KCNQ1OT1: variants seen among roughly 807,000 people sequenced by gnomAD.
KCNQ1OT1 encodes the protein KCNQ1 antisense RNA 2 (non-protein coding).
At chr11:2,662,377 AG>A in exon 1 of KCNQ1OT1, 1 of 352,410 alleles carries the variant, frequency 2.8e-6, no homozygotes, top group Non-Finnish European at 5.3e-6. Context: ...TCTCTCCCCC[AG>A]CCCCCTCCCC....
rs1849793098 is a variant in KCNQ1OT1, at chr11:2,653,717, G to C, written n.46278C>G. 1.0e-5 allele frequency: 4 copies of C among 398,516 alleles called. No homozygotes were observed. Among genetic ancestry groups the C allele is most frequent in the Non-Finnish European group, 1.3e-5 (3 of 226,080 alleles). 24.7% of individuals were successfully genotyped at this position (398,516 alleles called of 1,614,324 possible). On this transcript the variant is annotated non_coding_transcript_exon_variant, in exon 1 of 1. Coordinates refer to ENST00000597346, the Ensembl canonical transcript of KCNQ1OT1. The surrounding 1 kb of genome is among the most constrained non-coding windows in gnomAD (Gnocchi z 5.3). ...AGCAGAACGAGGTCATCTCTTCCAG[G>C]ATTCCTGCCAGAATCTAAGGCCAGG...
exon 1 of KCNQ1OT1, chr11:2,655,155 G>A (rs1590009832): frequency 5.0e-6 from 2 of 398,574 alleles, no homozygotes; most frequent in East Asian, 7.1e-5. Context: ...GCTGTGCTGA[G>A]TTTGATTCCT....
rs1850334597 is a variant in KCNQ1OT1 at position 2,678,605 on chromosome 11, C to A, written n.21390G>T. On this transcript the variant is annotated non_coding_transcript_exon_variant, in exon 1 of 1. Transcript: ENST00000597346. This position sits in a 1 kb window ranked among gnomAD's most constrained non-coding sequence, Gnocchi z 4.9. Reference sequence around the variant, plus strand: ...CACTTATCTGTGTAGCAGGACTCCCCCTCATCTCCATTACTTAAGAGCCAA... The same window carrying A: ...CACTTATCTGTGTAGCAGGACTCCCACTCATCTCCATTACTTAAGAGCCAA... The A allele has an allele frequency of 5.0e-6, 2 of 398,566 alleles. No homozygotes were observed. Among genetic ancestry groups the A allele is most frequent in the Non-Finnish European group, 8.8e-6 (2 of 226,066 alleles). 24.7% of individuals were successfully genotyped at this position (398,566 alleles called of 1,614,324 possible).
rs897659007 is a variant in KCNQ1OT1 at position 2,668,435 on chromosome 11, C to T, written n.31560G>A. ...TTCATTCCCACAGGCAGCATTCTGG[C>T]TGCTCCACATCCTAACACTTGGCAT... On this transcript the variant is annotated non_coding_transcript_exon_variant, in exon 1 of 1. Coordinates refer to ENST00000597346, the Ensembl canonical transcript of KCNQ1OT1. The surrounding 1 kb of genome is among the most constrained non-coding windows in gnomAD (Gnocchi z 4.3). The T allele has an allele frequency of 3.0e-5, 12 of 398,486 alleles. 1 individual carries two copies. The allele number at this position is 398,486 out of a possible 1,614,324, so 24.7% of individuals were successfully genotyped here. A position where few individuals can be genotyped will look rare whatever the true frequency, so the allele number is the denominator to read the frequency against.
At chr11:2,666,817 G>T (rs1472008796) in exon 1 of KCNQ1OT1, 1 of 398,602 alleles carries the variant, frequency 2.5e-6, no homozygotes, top group Non-Finnish European at 4.4e-6. Context: ...GGAAAGGACA[G>T]AAAGGACATT....
At chr11:2,666,706 G>C (rs1850075994) in exon 1 of KCNQ1OT1, 1 of 398,608 alleles carries the variant, frequency 2.5e-6, no homozygotes, top group Non-Finnish European at 4.4e-6. Flanking sequence ...AGACATCCAG[G>C]TCCACTGTGA....
In KCNQ1OT1 at chr11:2,613,916, T is replaced by G; in HGVS notation, n.86079A>C. 2.5e-6 allele frequency: 1 copy of G among 398,580 alleles called. No homozygotes were observed. The highest frequency in any genetic ancestry group is 4.4e-6 in the Non-Finnish European group (1 of 226,044). 24.7% of individuals were successfully genotyped at this position (398,580 alleles called of 1,614,324 possible). On this transcript the variant is annotated non_coding_transcript_exon_variant, in exon 1 of 1. Transcript: ENST00000597346. This position sits in a 1 kb window ranked among gnomAD's most constrained non-coding sequence, Gnocchi z 4.8. Reference sequence around the variant, plus strand: ...CATTTCCCAAAAAAGTACTATTCTGTATATGCCCTTTTGAACTTTGCTTTT... The same window carrying G: ...CATTTCCCAAAAAAGTACTATTCTGGATATGCCCTTTTGAACTTTGCTTTT...
chr11:2,620,945 TTTG>T lies in KCNQ1OT1; in HGVS notation n.79047_79049del, dbSNP rs1313864933. ...TGTTTTTTTGTTGTTGTTGTTTTGTTTTGTTTTTTTTTGTCTGTTTTTTGCTTT... is the reference window on the plus strand; with the variant it reads ...TGTTTTTTTGTTGTTGTTGTTTTGTTTTTTTTTTTGTCTGTTTTTTGCTTT... On this transcript the variant is annotated non_coding_transcript_exon_variant, in exon 1 of 1. Transcript: ENST00000597346. The surrounding 1 kb of genome is among the most constrained non-coding windows in gnomAD (Gnocchi z 4.5). 9.8e-6 allele frequency: 3 copies of T among 305,956 alleles called. No homozygotes were observed. The highest frequency in any genetic ancestry group is 1.7e-4 in the Admixed American group (2 of 11,832). The allele number at this position is 305,956 out of a possible 1,614,324, so 19.0% of individuals were successfully genotyped here. A position where few individuals can be genotyped will look rare whatever the true frequency, so the allele number is the denominator to read the frequency against.
Position 2,658,449 on chromosome 11 carries a change from C to T in KCNQ1OT1, n.41546G>A, listed in dbSNP as rs1849890145. 1 of 398,478 alleles carries T rather than the reference C, an allele frequency of 2.5e-6. No individual in the cohort carries two copies. The highest frequency in any genetic ancestry group is 4.4e-6 in the Non-Finnish European group (1 of 226,022). The allele number at this position is 398,478 out of a possible 1,614,324, so 24.7% of individuals were successfully genotyped here. ...TGTGGCCACTGGTGGGTTCATGTGT[C>T]CTTTTGATGTGCCCCCCGCCATCCT... On this transcript the variant is annotated non_coding_transcript_exon_variant, in exon 1 of 1. Coordinates refer to ENST00000597346, the Ensembl canonical transcript of KCNQ1OT1. This position sits in a 1 kb window ranked among gnomAD's most constrained non-coding sequence, Gnocchi z 4.9.
chr11:2,610,073 A>C (rs4930139), exon 1 of KCNQ1OT1: 2 of 397,438 alleles, frequency 5.0e-6, no homozygotes. Context: ...TCTATGTACT[A>C]TTTCTTGTTC....
rs540256140 is a variant in KCNQ1OT1, at chr11:2,670,114, G to C, written n.29881C>G. On this transcript the variant is annotated non_coding_transcript_exon_variant, in exon 1 of 1. Coordinates refer to ENST00000597346, the Ensembl canonical transcript of KCNQ1OT1. This position sits in a 1 kb window ranked among gnomAD's most constrained non-coding sequence, Gnocchi z 4.9. ...GGACTGTGTCTCATGGCAGTCACAG[G>C]TGCCCCAGTATGCATCTGTCATTTG... The C allele has an allele frequency of 2.8e-4, 112 of 398,760 alleles. No individual in the cohort carries two copies. Among genetic ancestry groups the C allele is most frequent in the African/African-American group, 1.9e-3 (95 of 48,754 alleles). 24.7% of individuals were successfully genotyped at this position (398,760 alleles called of 1,614,324 possible).
rs1262305734 is a variant in KCNQ1OT1, at chr11:2,699,496, CCGCGCTGAGGAGCCCCCAG to C, written n.480_498del. 16 of 180,238 alleles carry C rather than the reference CCGCGCTGAGGAGCCCCCAG, an allele frequency of 8.9e-5. No individual in the cohort carries two copies. The East Asian group carries it at 4.3e-3, about 49-fold the overall frequency. The allele number at this position is 180,238 out of a possible 1,614,324, so 11.2% of individuals were successfully genotyped here. A position where few individuals can be genotyped will look rare whatever the true frequency, so the allele number is the denominator to read the frequency against. On this transcript the variant is annotated non_coding_transcript_exon_variant, in exon 1 of 1. Transcript: ENST00000597346. ...CGCTGAGGAGCCCCCGGGGAGAGTG[CCGCGCTGAGGAGCCCCCAG>C]GAGAGTGCCGCGCTGAGGAGGCCCA...
At chr11:2,618,236 G>T (rs563743131) in exon 1 of KCNQ1OT1, 1 of 398,374 alleles carries the variant, frequency 2.5e-6, no homozygotes, top group African/African-American at 2.1e-5. Context: ...TTGGCTTCCC[G>T]GGGCCACACT....
chr11:2,646,927 C>T (rs1057117980), exon 1 of KCNQ1OT1: 3 of 398,394 alleles, frequency 7.5e-6, no homozygotes, highest in African/African-American at 6.2e-5. Flanking sequence ...AAGATTATGC[C>T]ATCTGCAAAG....
exon 1 of KCNQ1OT1, chr11:2,618,976 G>A (rs1162373549): frequency 5.0e-6 from 2 of 398,042 alleles, no homozygotes; most frequent in African/African-American, 4.1e-5. Flanking sequence ...TTTTTGGCCA[G>A]GTCATTATTT....
exon 1 of KCNQ1OT1, chr11:2,644,648 C>T: frequency 2.5e-6 from 1 of 398,566 alleles, no homozygotes; most frequent in Non-Finnish European, 4.4e-6. Flanking sequence ...ACACTGGTAT[C>T]TGCACATCTG....
Position 2,666,970 on chromosome 11 carries a change from G to C in KCNQ1OT1, n.33025C>G. On this transcript the variant is annotated non_coding_transcript_exon_variant, in exon 1 of 1. Coordinates refer to ENST00000597346, the Ensembl canonical transcript of KCNQ1OT1. ...CGAGATGCCAAGGAAGCCCTCTGGGGGCCCGCCCGGGAGGGCTGTACAGGG... is the reference window on the plus strand; with the variant it reads ...CGAGATGCCAAGGAAGCCCTCTGGGCGCCCGCCCGGGAGGGCTGTACAGGG... 7.5e-6 allele frequency: 3 copies of C among 398,718 alleles called. No homozygotes were observed. Among genetic ancestry groups the C allele is most frequent in the Non-Finnish European group, 1.3e-5 (3 of 226,140 alleles). 24.7% of individuals were successfully genotyped at this position (398,718 alleles called of 1,614,324 possible). A position where few individuals can be genotyped will look rare whatever the true frequency, so the allele number is the denominator to read the frequency against.
rs550624754 is a variant in KCNQ1OT1 at position 2,623,459 on chromosome 11, A to G, written n.76536T>C. 12 of 398,460 alleles carry G rather than the reference A, an allele frequency of 3.0e-5. No individual in the cohort carries two copies. Among genetic ancestry groups the G allele is most frequent in the Non-Finnish European group, 4.4e-5 (10 of 226,058 alleles). The allele number at this position is 398,460 out of a possible 1,614,324, so 24.7% of individuals were successfully genotyped here. On this transcript the variant is annotated non_coding_transcript_exon_variant, in exon 1 of 1. Transcript: ENST00000597346. The surrounding 1 kb of genome is among the most constrained non-coding windows in gnomAD (Gnocchi z 5.2). ...CCCCAACAACCCTTGGCAACCACTGAACTTTTTACTGCCTCCATAGCATTG... is the reference window on the plus strand; with the variant it reads ...CCCCAACAACCCTTGGCAACCACTGGACTTTTTACTGCCTCCATAGCATTG...
exon 1 of KCNQ1OT1, chr11:2,656,480 C>T (rs533015922): frequency 9.5e-5 from 38 of 398,694 alleles, no homozygotes; most frequent in Admixed American, 7.0e-4. Context: ...GTCTGCCACT[C>T]GCCCCCACGG....
Sources: gnomAD v4.1 joint callset for allele counts on GRCh38, gnomAD v4.1.1 for gene constraint, Gnocchi (gnomAD v3.1) non-coding constraint, MANE v1.5 for transcripts, NCBI Gene and HGNC (gene_info 2026-07-23, HGNC 2026-07-21) for gene names.